The following GIT2 variants were observed in gnomAD, a reference collection of about 807,000 sequenced individuals.
GIT2 encodes the protein ARF GTPase-activating protein GIT2.
In GIT2, 32 loss-of-function variants were observed where a neutral mutation model predicts 100.3. That is an observed-to-expected ratio of 0.32 (90% CI 0.24 to 0.43). The LOEUF is 0.43. Ranked by LOEUF, GIT2 falls within the 20% of genes least tolerant of loss-of-function variation. GIT2 has a pLI of 1.00. For synonymous variants in GIT2, 353 were observed against 364.1 expected (o/e 0.97, Z 0.35); for missense variants, 737 against 975.1 (o/e 0.76, Z 3.25).
At chr12:109,956,414 T>C (rs1257363808) in intron 12 of GIT2, among the ~76,000 whole-genome samples, 1 of 152,286 alleles carries the variant, frequency 6.6e-6, no homozygotes, top group African/African-American at 2.4e-5. Context: ...CCACAGACAC[T>C]TGTTTATAGC....
chr12:109,983,562 A>G (rs758720250), intron 5 of GIT2, 46 bp downstream of exon 5: 1 of 1,592,700 alleles, frequency 6.3e-7, no homozygotes, highest in Admixed American at 1.7e-5. Context: ...CTACATGAAC[A>G]CAACTCACTT....
In GIT2 at chr12:109,944,930, A is replaced by G. The variant is rs564799165; in HGVS notation, c.1731+330T>C. Among the ~76,000 whole-genome samples the G allele has an allele frequency of 6.6e-5, 10 of 152,270 alleles. No individual in the cohort carries two copies. In the South Asian group the frequency reaches 1.9e-3, roughly 28 times the overall value. ...TGAACAAATTGAACAAATTTGGCCT[A>G]TTATAATATCTAACCAGCAGCCAGC... On this transcript the variant is annotated intron_variant, in intron 16 of 19. Coordinates refer to ENST00000355312, the MANE Select transcript of GIT2 (RefSeq NM_057169.5).
chr12:109,965,886 G>A (rs1353918409), intron 8 of GIT2: 11 of 460,422 alleles, frequency 2.4e-5, no homozygotes, highest in Admixed American at 5.5e-5. Flanking sequence ...AATTTTTGAA[G>A]TATTAAAAAA....
chr12:109,938,606 CT>C, intron 17 of GIT2, 38 bp from the exon 18 acceptor site: 2 of 1,454,496 alleles, frequency 1.4e-6, no homozygotes, highest in Non-Finnish European at 9.3e-7. Flanking sequence ...ACAGCAGGTG[CT>C]TATCAGCTGC....
At chr12:109,992,671 T>C (rs1888642967) in intron 1 of GIT2, among the ~76,000 whole-genome samples, 3 of 152,034 alleles carry the variant, frequency 2.0e-5, no homozygotes, top group Admixed American at 6.5e-5. Context: ...ATTGGTTTGT[T>C]TGTCTGTTTG....
At chr12:109,978,690 A>G (rs1183693974) in intron 7 of GIT2, among the ~76,000 whole-genome samples, 2 of 152,016 alleles carry the variant, frequency 1.3e-5, no homozygotes, top group African/African-American at 2.4e-5. Flanking sequence ...TAATATTCCT[A>G]TTTGGTTCTC....
Position 109,947,224 on chromosome 12 carries a change from T to C in GIT2, c.1641+32A>G, listed in dbSNP as rs1278528146. On this transcript the variant is annotated intron_variant, in intron 15 of 19. Transcript: ENST00000355312. This position sits in a 1 kb window ranked among gnomAD's most constrained non-coding sequence, Gnocchi z 4.3. ...AACAGAGTAGACAGGCTGCATAGAG[T>C]GAACAGCAGAAGCGCCAGTGGTGTT... The C allele has an allele frequency of 1.3e-6, 2 of 1,594,884 alleles. No homozygotes were observed. The highest frequency in any genetic ancestry group is 1.7e-5 in the Admixed American group (1 of 59,006).
chr12:109,969,162 C>CTTTTTT (rs71079595), intron 7 of GIT2, among the ~76,000 whole-genome samples: 18 of 89,092 alleles, frequency 2.0e-4, no homozygotes, highest in African/African-American at 3.8e-4. Context: ...AAAACTTTTC[C>CTTTTTT]TTTTTTTTTT....
At chr12:109,987,613 C>A (rs1201965339) in intron 4 of GIT2, among the ~76,000 whole-genome samples, 1 of 151,608 alleles carries the variant, frequency 6.6e-6, no homozygotes, top group Non-Finnish European at 1.5e-5. Flanking sequence ...ACTACAGGCA[C>A]GGCCACCATA....
intron 4 of GIT2, among the ~76,000 whole-genome samples, chr12:109,984,424 A>G (rs1433300554): frequency 1.3e-5 from 2 of 151,914 alleles, no homozygotes; most frequent in Non-Finnish European, 2.9e-5. Flanking sequence ...AAAAAATAAA[A>G]AATAAAAAAA....
intron 1 of GIT2, among the ~76,000 whole-genome samples, chr12:109,994,915 C>T (rs1010433702): frequency 6.6e-6 from 1 of 152,182 alleles, no homozygotes; most frequent in Admixed American, 6.5e-5. Context: ...CTCCTCCATA[C>T]CCCCTCCCTA....
chr12:109,994,152 C>CT (rs1888920658), intron 1 of GIT2, among the ~76,000 whole-genome samples: 1 of 147,432 alleles, frequency 6.8e-6, no homozygotes, highest in African/African-American at 2.5e-5. Context: ...TTGCAGTATT[C>CT]TTTTTTTAGC....
intron 4 of GIT2, among the ~76,000 whole-genome samples, chr12:109,987,562 G>C (rs1887634291): frequency 6.6e-6 from 1 of 151,736 alleles, no homozygotes; most frequent in Non-Finnish European, 1.5e-5. Context: ...CACCTCCTGG[G>C]CTCAAGTCAT....
At chr12:109,965,440 G>A (rs577725470) in intron 9 of GIT2, 86 bp downstream of exon 9, 28 of 747,442 alleles carry the variant, frequency 3.7e-5, no homozygotes, top group Middle Eastern at 4.8e-4. Context: ...GTCATCAGAC[G>A]CAATAGGTAA....
At chr12:109,990,806 A>T (rs1015190023) in intron 2 of GIT2, among the ~76,000 whole-genome samples, 4 of 152,008 alleles carry the variant, frequency 2.6e-5, no homozygotes, top group Non-Finnish European at 5.9e-5. Flanking sequence ...CAATCAAAAC[A>T]TATTAATTTA....
At chr12:109,997,242 G>T (rs1388144055), upstream of GIT2, among the ~76,000 whole-genome samples, 1 of 151,458 alleles carries the variant, frequency 6.6e-6, no homozygotes, top group East Asian at 1.9e-4. Context: ...AGCCGGGCGT[G>T]GTGGCGCATG....
rs532339933 is a variant in GIT2 at position 109,978,522 on chromosome 12, T to C, written c.718+2430A>G. Among the ~76,000 whole-genome samples the C allele has an allele frequency of 2.0e-5, 3 of 152,348 alleles. No individual in the cohort carries two copies. The East Asian group carries it at 5.8e-4, about 29-fold the overall frequency. On this transcript the variant is annotated intron_variant, in intron 7 of 19. Transcript: ENST00000355312. The stretch of plus-strand genomic sequence containing the variant: ...TTTCCCACAGGTCCCTGAGACTCTG[T>C]TCAGTCTTTTCTTCCTACTCTTTTT...
intron 16 of GIT2, 40 bp downstream of exon 16, chr12:109,945,220 C>T (rs1875988238): frequency 3.0e-6 from 3 of 986,140 alleles, no homozygotes; most frequent in Non-Finnish European, 4.9e-6. Context: ...AGGAGCACGG[C>T]CCCTCCTCCA....
Position 109,947,253 on chromosome 12 carries a change from T to A in GIT2, c.1641+3A>T. On this transcript the variant is annotated splice_donor_region_variant and intron_variant, in intron 15 of 19. Transcript: ENST00000355312. This position sits in a 1 kb window ranked among gnomAD's most constrained non-coding sequence, Gnocchi z 4.3. ...CAGCAGAAGCGCCAGTGGTGTTACTTACGTGCGCGGGGAAGGGCTGGAGTC... is the reference window on the plus strand; with the variant it reads ...CAGCAGAAGCGCCAGTGGTGTTACTAACGTGCGCGGGGAAGGGCTGGAGTC... The A allele has an allele frequency of 1.9e-6, 3 of 1,611,686 alleles. No individual in the cohort carries two copies. The highest frequency in any genetic ancestry group is 8.5e-7 in the Non-Finnish European group (1 of 1,178,342).
Sources: gnomAD v4.1 joint callset for allele counts (sites outside exome capture counted in the v4.1 genomes callset) on GRCh38, gnomAD v4.1.1 for gene constraint, Gnocchi (gnomAD v3.1) non-coding constraint, MANE v1.5 for transcripts, NCBI Gene and HGNC (gene_info 2026-07-23, HGNC 2026-07-21) for gene names.